NLGN1: variants seen among roughly 807,000 people sequenced by gnomAD.
NLGN1 encodes the protein neuroligin-1.
NLGN1 carries 12 observed loss-of-function variants against 65.5 expected under a neutral mutation model. That is an observed-to-expected ratio of 0.18 (90% CI 0.12 to 0.30). NLGN1 has a LOEUF of 0.30. Among genes scored for constraint, NLGN1 ranks in the 10% least tolerant of loss-of-function variants. NLGN1 has a pLI of 1.00. For synonymous variants in NLGN1, 350 were observed against 359.5 expected (o/e 0.97, Z 0.30); for missense variants, 750 against 1,007.1 (o/e 0.74, Z 3.46).
chr3:173,909,758 A>C (rs1433734561), intron 4 of NLGN1, among the ~76,000 whole-genome samples: 1 of 152,018 alleles, frequency 6.6e-6, no homozygotes, highest in African/African-American at 2.4e-5. Flanking sequence ...CGGCTACCGC[A>C]ACCTCCACCT....
At chr3:173,906,092 T>C (rs538819103) in intron 4 of NLGN1, among the ~76,000 whole-genome samples, 111 of 152,364 alleles carry the variant, frequency 7.3e-4, no homozygotes, top group Middle Eastern at 3.4e-3. Flanking sequence ...CCACTATTTA[T>C]TCACTGTAGT....
intron 4 of NLGN1, among the ~76,000 whole-genome samples, chr3:174,127,758 A>C (rs1046819438): frequency 6.6e-6 from 1 of 152,188 alleles, no homozygotes. Flanking sequence ...GTATTATTTG[A>C]AATGCAATAA....
chr3:173,692,870 G>T (rs927255791), intron 3 of NLGN1, among the ~76,000 whole-genome samples: 3 of 152,056 alleles, frequency 2.0e-5, no homozygotes, highest in Non-Finnish European at 4.4e-5. Flanking sequence ...TGGAAATAAG[G>T]AGGGGTCACT....
At chr3:174,176,026 C>CA (rs1729387672) in intron 4 of NLGN1, among the ~76,000 whole-genome samples, 1 of 151,860 alleles carries the variant, frequency 6.6e-6, no homozygotes, top group African/African-American at 2.4e-5. Flanking sequence ...ATAAACAACT[C>CA]AAAACATACA....
chr3:174,151,634 G>A (rs915894319), intron 4 of NLGN1, among the ~76,000 whole-genome samples: 4 of 152,094 alleles, frequency 2.6e-5, no homozygotes, highest in African/African-American at 9.7e-5. Flanking sequence ...ATAGCCTTCT[G>A]AAAACTTGCA....
intron 1 of NLGN1, among the ~76,000 whole-genome samples, chr3:173,421,278 A>G (rs1714993093): frequency 6.6e-6 from 1 of 152,004 alleles, no homozygotes. Flanking sequence ...TTGCAAGAGT[A>G]CAAGTGTCTA....
intron 4 of NLGN1, among the ~76,000 whole-genome samples, chr3:174,254,747 G>A (rs1745371429): frequency 6.6e-6 from 1 of 151,964 alleles, no homozygotes; most frequent in Non-Finnish European, 1.5e-5. Context: ...ATAAAATCTA[G>A]ATAAAATCAG....
At chr3:173,638,044 C>T (rs1171716884) in intron 3 of NLGN1, among the ~76,000 whole-genome samples, 2 of 152,110 alleles carry the variant, frequency 1.3e-5, no homozygotes, top group Non-Finnish European at 2.9e-5. Flanking sequence ...ATTTACTTTT[C>T]CTCCATCTCC....
chr3:173,772,345 T>C (rs1248529799), intron 3 of NLGN1, among the ~76,000 whole-genome samples: 2 of 152,168 alleles, frequency 1.3e-5, no homozygotes, highest in Non-Finnish European at 2.9e-5. Context: ...AAGCCGGGCA[T>C]GGTGGCTCAC....
At chr3:173,851,015 G>A (rs1257124053) in intron 4 of NLGN1, among the ~76,000 whole-genome samples, 2 of 152,064 alleles carry the variant, frequency 1.3e-5, no homozygotes, top group African/African-American at 4.8e-5. Flanking sequence ...AAAGTGCTGG[G>A]ATTACAGAAA....
Position 173,419,961 on chromosome 3 carries a change from G to A in NLGN1, c.-389-15049G>A, listed in dbSNP as rs191335033. Among the ~76,000 whole-genome samples, 821 of 146,012 alleles carry A rather than the reference G, an allele frequency of 5.6e-3. 11 individuals are homozygous for A. Among genetic ancestry groups the A allele is most frequent in the African/African-American group, 0.021 (755 of 36,424 alleles). ...GCACTCCAGCCTGGCGACACAGAGA[G>A]ACTCAGTCTCAAAAATAAAATAAAA... is the stretch of plus-strand genomic sequence containing the variant. On this transcript the variant is annotated intron_variant, in intron 1 of 6. Transcript: ENST00000457714.
intron 3 of NLGN1, among the ~76,000 whole-genome samples, chr3:173,786,539 A>G (rs1348182304): frequency 6.7e-6 from 1 of 150,124 alleles, no homozygotes; most frequent in Non-Finnish European, 1.5e-5. Context: ...CCCATGTATC[A>G]TATGTGTGTA....
intron 4 of NLGN1, among the ~76,000 whole-genome samples, chr3:174,004,355 C>T (rs148664823): frequency 1.8e-3 from 269 of 152,196 alleles, no homozygotes; most frequent in African/African-American, 6.1e-3. Flanking sequence ...TCAAGTTATC[C>T]GTTGTGTAGA....
At chr3:173,411,351 G>C (rs1383756320) in intron 1 of NLGN1, among the ~76,000 whole-genome samples, 1 of 152,172 alleles carries the variant, frequency 6.6e-6, no homozygotes, top group East Asian at 1.9e-4. Context: ...GCCACAGAAG[G>C]AAGTTTTGCC....
chr3:173,675,866 T>G (rs77158026), intron 3 of NLGN1, among the ~76,000 whole-genome samples: 41 of 72,422 alleles, frequency 5.7e-4, no homozygotes, highest in African/African-American at 3.1e-3. Context: ...CTCTCTCTCT[T>G]TGTCTCTCTC....
At chr3:173,860,847 G>T (rs1176750848) in intron 4 of NLGN1, among the ~76,000 whole-genome samples, 4 of 152,094 alleles carry the variant, frequency 2.6e-5, no homozygotes, top group South Asian at 2.1e-4. Flanking sequence ...TGAAGGGGGG[G>T]TTACCTGCTC....
intron 4 of NLGN1, among the ~76,000 whole-genome samples, chr3:173,931,606 A>G (rs1744103596): frequency 6.6e-6 from 1 of 152,170 alleles, no homozygotes; most frequent in Non-Finnish European, 1.5e-5. Context: ...GAGGGATTGA[A>G]AAGTGAATGA....
chr3:174,098,245 T>G (rs1016744359), intron 4 of NLGN1, among the ~76,000 whole-genome samples: 6 of 152,222 alleles, frequency 3.9e-5, no homozygotes, highest in Admixed American at 3.9e-4. Context: ...CCTTCAATTG[T>G]GGCTGTGCAT....
At chr3:173,948,971 A>T (rs902486858) in intron 4 of NLGN1, among the ~76,000 whole-genome samples, 4 of 152,044 alleles carry the variant, frequency 2.6e-5, no homozygotes, top group African/African-American at 9.7e-5. Context: ...TAAAAAAATA[A>T]TATTTTATAT....
Sources: gnomAD v4.1 joint callset for allele counts (sites outside exome capture counted in the v4.1 genomes callset) on GRCh38, gnomAD v4.1.1 for gene constraint, MANE v1.5 for transcripts, NCBI Gene and HGNC (gene_info 2026-07-23, HGNC 2026-07-21) for gene names.